GRAMD2B: variants seen among roughly 807,000 people sequenced by gnomAD.
GRAMD2B encodes GRAM domain containing 2B, also known as GRAM domain-containing protein 2B.
Under a neutral mutation model 59.2 loss-of-function variants are expected in GRAMD2B, and 41 were observed. That is an observed-to-expected ratio of 0.69 (90% CI 0.54 to 0.90). The LOEUF (loss-of-function observed/expected upper bound fraction) is 0.90, where lower values mean the gene tolerates loss of function less well. GRAMD2B is among the 40% of genes least tolerant of loss of function. The pLI is 0.00. For synonymous variants in GRAMD2B, 161 were observed against 182.7 expected (o/e 0.88, Z 0.96); for missense variants, 424 against 500.5 (o/e 0.85, Z 1.46).
chr5:126,474,648 G>C (rs1770243382), intron 5 of GRAMD2B, among the ~76,000 whole-genome samples: 1 of 152,178 alleles, frequency 6.6e-6, no homozygotes, highest in Non-Finnish European at 1.5e-5. Context: ...CAGAGCAGCA[G>C]GGACTGAAGA....
upstream of GRAMD2B, among the ~76,000 whole-genome samples, chr5:126,369,270 TTGAATGAA>T (rs33935788): frequency 0.012 from 1,828 of 151,476 alleles, 35 homozygotes; most frequent in African/African-American, 0.038. Context: ...TAAATACTTG[TTGAATGAA>T]TGAATGAATG....
chr5:126,461,686 G>A (rs1276118732), intron 1 of GRAMD2B, among the ~76,000 whole-genome samples: 1 of 152,186 alleles, frequency 6.6e-6, no homozygotes, highest in Non-Finnish European at 1.5e-5. Flanking sequence ...TGTAATCCCA[G>A]CTACACGGGA....
chr5:126,491,655 C>G (rs1456905185), intron 13 of GRAMD2B, among the ~76,000 whole-genome samples: 1 of 152,174 alleles, frequency 6.6e-6, no homozygotes, highest in Admixed American at 6.5e-5. Context: ...TATGTTCTTT[C>G]TTTTCGTCTG....
At chr5:126,448,218 G>A (rs968169392) in intron 1 of GRAMD2B, among the ~76,000 whole-genome samples, 2 of 151,988 alleles carry the variant, frequency 1.3e-5, no homozygotes, top group Admixed American at 1.3e-4. Context: ...CAGTCACAGG[G>A]TACTGGAAAG....
intron 5 of GRAMD2B, among the ~76,000 whole-genome samples, chr5:126,476,468 T>C (rs998834306): frequency 1.2e-4 from 18 of 152,218 alleles, no homozygotes; most frequent in Admixed American, 1.2e-3. Context: ...TGATCCATTT[T>C]CCTTTGAGAT....
At chr5:126,382,732 A>G (rs1755764822) in intron 1 of GRAMD2B, among the ~76,000 whole-genome samples, 1 of 152,136 alleles carries the variant, frequency 6.6e-6, no homozygotes, top group Admixed American at 6.6e-5. Flanking sequence ...ATTGCTGGTA[A>G]GCTAATATGA....
intron 1 of GRAMD2B, among the ~76,000 whole-genome samples, chr5:126,364,905 C>T (rs1347032505): frequency 6.6e-6 from 1 of 152,208 alleles, no homozygotes; most frequent in African/African-American, 2.4e-5. Flanking sequence ...GCCCCTGGTG[C>T]TCCAGGTGTG....
chr5:126,390,737 G>T (rs1290991030), intron 1 of GRAMD2B, among the ~76,000 whole-genome samples: 1 of 152,088 alleles, frequency 6.6e-6, no homozygotes, highest in East Asian at 1.9e-4. Flanking sequence ...TTGATAAAAT[G>T]ATAACAACCT....
At chr5:126,369,538 A>G (rs1376487499), upstream of GRAMD2B, among the ~76,000 whole-genome samples, 1 of 152,112 alleles carries the variant, frequency 6.6e-6, no homozygotes, top group Admixed American at 6.5e-5. Flanking sequence ...TTTTTAGTTA[A>G]CTTTTCAGTT....
intron 1 of GRAMD2B, among the ~76,000 whole-genome samples, chr5:126,406,301 C>T (rs1758261470): frequency 6.6e-6 from 1 of 151,824 alleles, no homozygotes; most frequent in African/African-American, 2.4e-5. Flanking sequence ...CACATGTATA[C>T]ATATGTAACT....
At chr5:126,418,313 G>C (rs1160383651) in intron 1 of GRAMD2B, among the ~76,000 whole-genome samples, 1 of 152,192 alleles carries the variant, frequency 6.6e-6, no homozygotes, top group Non-Finnish European at 1.5e-5. Context: ...TTAATGTATT[G>C]TTTCTGTGGC....
intron 2 of GRAMD2B, chr5:126,466,431 T>A: frequency 4.9e-6 from 1 of 205,624 alleles, no homozygotes; most frequent in Admixed American, 5.9e-5. Flanking sequence ...GCATCTCACC[T>A]TTTTTTTTTT....
At chr5:126,398,349 T>G (rs1437541118) in intron 1 of GRAMD2B, among the ~76,000 whole-genome samples, 1 of 152,110 alleles carries the variant, frequency 6.6e-6, no homozygotes, top group African/African-American at 2.4e-5. Flanking sequence ...TCTTCATGAT[T>G]CAGTTTTGGT....
rs1230502286 is a variant in GRAMD2B at position 126,423,476 on chromosome 5, G to A, written c.-131G>A. On this transcript the variant is annotated 5_prime_UTR_variant, in exon 1 of 14. Transcript: ENST00000285689. ...GCTTGGCGCGGCCCGGCCTGGATGC[G>A]CTGGGCGGAGGGTGCAGGGGAGGGC... 2 of 1,452,468 alleles carry A rather than the reference G, an allele frequency of 1.4e-6. No individual in the cohort carries two copies. The highest frequency in any genetic ancestry group is 1.8e-6 in the Non-Finnish European group (2 of 1,108,282). The allele number at this position is 1,452,468 out of a possible 1,614,324, so 90.0% of individuals were successfully genotyped here.
intron 1 of GRAMD2B, among the ~76,000 whole-genome samples, chr5:126,374,475 T>A (rs562362526): frequency 1.3e-5 from 2 of 152,212 alleles, no homozygotes; most frequent in Non-Finnish European, 2.9e-5. Flanking sequence ...TCTTTTGTTA[T>A]GTGTTGCAAG....
intron 1 of GRAMD2B, among the ~76,000 whole-genome samples, chr5:126,384,471 A>G (rs1755936578): frequency 6.6e-6 from 1 of 152,250 alleles, no homozygotes; most frequent in African/African-American, 2.4e-5. Flanking sequence ...GGAGAAAGGG[A>G]AAGTTTCTAT....
chr5:126,462,612 G>GTGAGCAAATGC (rs1767579409), intron 1 of GRAMD2B, among the ~76,000 whole-genome samples: 1 of 152,094 alleles, frequency 6.6e-6, no homozygotes, highest in African/African-American at 2.4e-5. Context: ...AATGACCACT[G>GTGAGCAAATGC]TGAGCAAATG....
At chr5:126,466,457 G>A (rs1290061622) in intron 2 of GRAMD2B, 20 of 665,422 alleles carry the variant, frequency 3.0e-5, no homozygotes, top group South Asian at 1.2e-4. Context: ...TCGGAGTCTC[G>A]CTCTGTCATC....
intron 1 of GRAMD2B, among the ~76,000 whole-genome samples, chr5:126,462,942 A>C (rs1767640796): frequency 6.6e-6 from 1 of 152,258 alleles, no homozygotes; most frequent in African/African-American, 2.4e-5. Flanking sequence ...ACATTGTTTT[A>C]GTAGGACAAT....
Sources: gnomAD v4.1 joint callset for allele counts (sites outside exome capture counted in the v4.1 genomes callset) on GRCh38, gnomAD v4.1.1 for gene constraint, MANE v1.5 for transcripts, NCBI Gene and HGNC (gene_info 2026-07-23, HGNC 2026-07-21) for gene names.